The following FHIT variants were observed in gnomAD, a reference collection of about 807,000 sequenced individuals.
FHIT encodes fragile histidine triad diadenosine triphosphatase.
FHIT carries 19 observed loss-of-function variants against 17.9 expected under a neutral mutation model. The ratio of observed to expected loss-of-function variants is 1.06; its 90% CI spans 0.74 to 1.56. The LOEUF (loss-of-function observed/expected upper bound fraction) is 1.56, where lower values mean the gene tolerates loss of function less well. Ranked by LOEUF, FHIT falls within the 40% of genes most tolerant of loss-of-function variation. FHIT has a pLI of 0.00. For synonymous variants in FHIT, 81 were observed against 69.7 expected (o/e 1.16, Z -0.81); for missense variants, 248 against 189.2 (o/e 1.31, Z -1.82).
intron 5 of FHIT, among the ~76,000 whole-genome samples, chr3:60,320,281 G>T (rs995644831): frequency 6.6e-5 from 10 of 152,108 alleles, no homozygotes; most frequent in Non-Finnish European, 1.3e-4. Flanking sequence ...GAAAACTGGG[G>T]CAGATGGGGG....
At chr3:60,030,943 A>G (rs901808077) in intron 5 of FHIT, among the ~76,000 whole-genome samples, 1 of 152,224 alleles carries the variant, frequency 6.6e-6, no homozygotes, top group Non-Finnish European at 1.5e-5. Flanking sequence ...TAAACATAAC[A>G]TTCTCTGGGT....
At position 60,434,713 on chromosome 3, in the gene FHIT, GAT is replaced by G. The variant is rs1187667873; in HGVS notation, c.103+102145_103+102146del. ...ATAAATGCCTGCTTTATACCAAAGA[GAT>G]ATCAGAATAATTTCTCTTCAATTTC... is the stretch of plus-strand genomic sequence containing the variant. On this transcript the variant is annotated intron_variant, in intron 5 of 9. Transcript: ENST00000492590. 3.3e-5 allele frequency among the ~76,000 whole-genome samples: 5 copies of G among 152,102 alleles called. 1 individual carries two copies. Among genetic ancestry groups the G allele is most frequent in the South Asian group, 2.1e-4 (1 of 4,824 alleles).
intron 5 of FHIT, among the ~76,000 whole-genome samples, chr3:60,173,918 T>TATATATATATA (rs375142735): frequency 1.0e-3 from 49 of 46,790 alleles, no homozygotes; most frequent in African/African-American, 3.1e-3. Flanking sequence ...TATATATATG[T>TATATATATATA]TTTTTTTTTT....
intron 5 of FHIT, among the ~76,000 whole-genome samples, chr3:60,274,635 A>T (rs1477422108): frequency 6.6e-6 from 1 of 152,224 alleles, no homozygotes; most frequent in Non-Finnish European, 1.5e-5. Flanking sequence ...TTCCAAATTC[A>T]AGGTGGTAGC....
intron 2 of FHIT, among the ~76,000 whole-genome samples, chr3:61,075,954 C>T (rs1450161099): frequency 6.6e-6 from 1 of 152,080 alleles, no homozygotes; most frequent in African/African-American, 2.4e-5. Flanking sequence ...TGAGTGCTTC[C>T]AATGTGGTAA....
chr3:59,969,164 C>T (rs781259796), intron 7 of FHIT, among the ~76,000 whole-genome samples: 97 of 152,252 alleles, frequency 6.4e-4, no homozygotes, highest in Middle Eastern at 6.8e-3. Flanking sequence ...AAGTCCTCTG[C>T]ATCTAAATCC....
intron 4 of FHIT, among the ~76,000 whole-genome samples, chr3:60,541,023 G>C (rs1361946949): frequency 6.6e-6 from 1 of 152,122 alleles, no homozygotes; most frequent in Admixed American, 6.5e-5. Flanking sequence ...AGCAATCAAG[G>C]CTTCCATAGC....
intron 4 of FHIT, among the ~76,000 whole-genome samples, chr3:60,806,627 T>C (rs1208555308): frequency 7.2e-5 from 11 of 152,244 alleles, no homozygotes; most frequent in Non-Finnish European, 1.6e-4. Context: ...CTTAAGATAC[T>C]TAACACTTTT....
At chr3:60,824,303 A>G (rs1208789683) in intron 3 of FHIT, among the ~76,000 whole-genome samples, 2 of 152,210 alleles carry the variant, frequency 1.3e-5, no homozygotes, top group African/African-American at 4.8e-5. Flanking sequence ...AGGATTTGCA[A>G]TAGATTGCAG....
intron 4 of FHIT, chr3:60,690,316 C>T: frequency 1.8e-6 from 1 of 564,148 alleles, no homozygotes; most frequent in South Asian, 1.4e-5. Flanking sequence ...AATATCCATG[C>T]CTTCTTTCAC....
intron 1 of FHIT, among the ~76,000 whole-genome samples, chr3:61,215,400 T>A (rs9868708): frequency 0.39 from 59,620 of 151,832 alleles, 12,013 homozygotes; most frequent in East Asian, 0.52. Context: ...ATGAGTGAAC[T>A]CCCATTCACA....
chr3:61,191,360 C>G (rs1219669934), intron 2 of FHIT, among the ~76,000 whole-genome samples: 1 of 152,114 alleles, frequency 6.6e-6, no homozygotes, highest in African/African-American at 2.4e-5. Flanking sequence ...TCTTTGCCGG[C>G]CCTCAGACTG....
rs1484997435 is a variant in FHIT, at chr3:59,790,508, C to CTT, written c.349-38188_349-38187insAA. On this transcript the variant is annotated intron_variant, in intron 8 of 9. Coordinates refer to ENST00000492590, the MANE Select transcript of FHIT (RefSeq NM_002012.4). ...TCATTGCTTCTCTCTCTCTCTCTTT[C>CTT]TCTCTCTCTCTCTCTCTCTCTGTGT... Among the ~76,000 whole-genome samples, 434 of 148,670 alleles carry CTT rather than the reference C, an allele frequency of 2.9e-3. 2 individuals are homozygous for CTT. Among genetic ancestry groups the CTT allele is most frequent in the African/African-American group, 0.01 (414 of 40,010 alleles).
chr3:60,439,284 A>G (rs535873840), intron 5 of FHIT, among the ~76,000 whole-genome samples: 1 of 152,144 alleles, frequency 6.6e-6, no homozygotes, highest in Non-Finnish European at 1.5e-5. Context: ...GATGCACATT[A>G]TAATGTCCTA....
chr3:61,131,964 T>C (rs1004303950), intron 2 of FHIT, among the ~76,000 whole-genome samples: 3 of 152,198 alleles, frequency 2.0e-5, no homozygotes, highest in African/African-American at 7.2e-5. Context: ...TATCAGAACT[T>C]TCTTCAAGAA....
intron 2 of FHIT, among the ~76,000 whole-genome samples, chr3:61,166,608 G>T (rs559308028): frequency 2.6e-5 from 4 of 152,280 alleles, no homozygotes; most frequent in African/African-American, 9.6e-5. Flanking sequence ...AATACACACA[G>T]TTCAAGATTA....
chr3:59,929,354 GTTT>G (rs1218453582), intron 7 of FHIT, among the ~76,000 whole-genome samples: 1 of 97,976 alleles, frequency 1.0e-5, no homozygotes, highest in Non-Finnish European at 2.1e-5. Flanking sequence ...TTCACGTATT[GTTT>G]TTTTGGTTTT....
intron 5 of FHIT, among the ~76,000 whole-genome samples, chr3:60,287,661 C>T (rs1051684226): frequency 2.0e-5 from 3 of 152,032 alleles, no homozygotes; most frequent in African/African-American, 7.2e-5. Context: ...AAGAGAAGAC[C>T]TACCATCTCA....
chr3:60,381,961 C>CATTAAA (rs138733766), intron 5 of FHIT, among the ~76,000 whole-genome samples: 39,741 of 151,762 alleles, frequency 0.26, 5,325 homozygotes, highest in East Asian at 0.47. Flanking sequence ...TAGGTATTTA[C>CATTAAA]ATTAAAATTA....
Sources: gnomAD v4.1 joint callset for allele counts (sites outside exome capture counted in the v4.1 genomes callset) on GRCh38, gnomAD v4.1.1 for gene constraint, MANE v1.5 for transcripts, NCBI Gene and HGNC (gene_info 2026-07-23, HGNC 2026-07-21) for gene names.